Variants in CDH13 observed in about 807,000 individuals in gnomAD.
CDH13 encodes the protein cadherin-13.
In CDH13, 24 loss-of-function variants were observed where a neutral mutation model predicts 63.8. The ratio of observed to expected loss-of-function variants is 0.38; its 90% CI spans 0.27 to 0.53. CDH13 has a LOEUF of 0.53. Among genes scored for constraint, CDH13 ranks in the 20% least tolerant of loss-of-function variants. CDH13 has a pLI of 0.85. For missense variants in CDH13, 1,049 were observed against 903.1 expected, an observed-to-expected ratio of 1.16 and a Z score of -2.07; for synonymous variants, 503 against 355.3, an observed-to-expected ratio of 1.42 and a Z score of -4.67.
chr16:82,695,983 C>T (rs1462039), intron 1 of CDH13, among the ~76,000 whole-genome samples: 5,533 of 152,184 alleles, frequency 0.036, 149 homozygotes, highest in South Asian at 0.11. Context: ...TCAATTTTTC[C>T]ACAACACTAA....
At chr16:83,113,895 C>T (rs1409595768) in intron 3 of CDH13, among the ~76,000 whole-genome samples, 1 of 152,114 alleles carries the variant, frequency 6.6e-6, no homozygotes, top group East Asian at 1.9e-4. Flanking sequence ...ATCTTCCTGG[C>T]CTTAGGAAAC....
chr16:82,800,403 C>A (rs1193302213), intron 1 of CDH13, among the ~76,000 whole-genome samples: 1 of 152,012 alleles, frequency 6.6e-6, no homozygotes, highest in African/African-American at 2.4e-5. Context: ...AGGAAGAGAC[C>A]CCCTAGTGAT....
At chr16:83,655,432 G>T (rs1374205721) in intron 8 of CDH13, among the ~76,000 whole-genome samples, 1 of 152,190 alleles carries the variant, frequency 6.6e-6, no homozygotes, top group East Asian at 1.9e-4. Context: ...ATCCTCTGAG[G>T]TGGGGCACTG....
At chr16:83,751,413 G>A (rs1367336590) in intron 11 of CDH13, among the ~76,000 whole-genome samples, 6 of 150,552 alleles carry the variant, frequency 4.0e-5, no homozygotes, top group African/African-American at 1.2e-4. Context: ...TGGCCAACAT[G>A]GCAAAACCCC....
chr16:83,458,463 A>G (rs8060830), intron 6 of CDH13, among the ~76,000 whole-genome samples: 48,164 of 152,014 alleles, frequency 0.32, 8,300 homozygotes, highest in African/African-American at 0.46. Context: ...ATAACTACAT[A>G]TCTACAGACA....
At chr16:82,871,005 A>G (rs1236168089) in intron 2 of CDH13, among the ~76,000 whole-genome samples, 2 of 152,208 alleles carry the variant, frequency 1.3e-5, no homozygotes, top group Admixed American at 1.3e-4. Context: ...GGAAGTCACT[A>G]TTACTCCTAA....
chr16:83,130,024 C>G (rs1015169660), intron 4 of CDH13, among the ~76,000 whole-genome samples: 1 of 152,152 alleles, frequency 6.6e-6, no homozygotes, highest in East Asian at 1.9e-4. Context: ...TGAAATTCAA[C>G]CTAATTCATA....
chr16:83,230,710 C>G (rs978364420), intron 5 of CDH13, among the ~76,000 whole-genome samples: 4 of 152,092 alleles, frequency 2.6e-5, no homozygotes, highest in African/African-American at 9.7e-5. Context: ...TCGTTTGAAC[C>G]CAGGAGGTGG....
chr16:83,201,976 G>A (rs1425649018), intron 4 of CDH13, among the ~76,000 whole-genome samples: 1 of 152,176 alleles, frequency 6.6e-6, no homozygotes, highest in Non-Finnish European at 1.5e-5. Context: ...GTAGGGTGGT[G>A]TCACCATGTT....
chr16:83,426,526 C>CAG (rs2071901720), intron 6 of CDH13, among the ~76,000 whole-genome samples: 1 of 151,784 alleles, frequency 6.6e-6, no homozygotes, highest in African/African-American at 2.4e-5. Context: ...CACACACACA[C>CAG]ACACACACAC....
intron 3 of CDH13, among the ~76,000 whole-genome samples, chr16:83,066,714 C>T (rs2032037277): frequency 6.6e-6 from 1 of 152,266 alleles, no homozygotes; most frequent in African/African-American, 2.4e-5. Flanking sequence ...CAAATTCTCG[C>T]CCGGTGTGAA....
rs548161939 is a variant in CDH13 at position 82,792,893 on chromosome 16, C to T, written c.46-65469C>T. 9.2e-4 allele frequency among the ~76,000 whole-genome samples: 139 copies of T among 151,576 alleles called. 2 individuals carry two copies. Among genetic ancestry groups the T allele is most frequent in the Non-Finnish European group, 1.8e-3 (122 of 67,912 alleles). ...TTTGTAAGAAAGTCCACATGAAATG[C>T]CTGGCACTCTCCCAAAGGCACCCAT... is the stretch of plus-strand genomic sequence containing the variant. On this transcript the variant is annotated intron_variant, in intron 1 of 13. Transcript: ENST00000567109.
intron 1 of CDH13, among the ~76,000 whole-genome samples, chr16:82,638,623 T>C (rs970217746): frequency 6.6e-6 from 1 of 152,134 alleles, no homozygotes; most frequent in African/African-American, 2.4e-5. Context: ...GAAATGACTG[T>C]GCATGTCATA....
intron 2 of CDH13, among the ~76,000 whole-genome samples, chr16:82,984,751 C>T (rs539027367): frequency 1.3e-5 from 2 of 152,118 alleles, no homozygotes; most frequent in Non-Finnish European, 2.9e-5. Context: ...TAAACCTAGG[C>T]AATTCAGTCA....
chr16:83,240,112 C>G (rs1904310273), intron 5 of CDH13, among the ~76,000 whole-genome samples: 1 of 152,108 alleles, frequency 6.6e-6, no homozygotes, highest in Non-Finnish European at 1.5e-5. Context: ...AAGCTCAAGG[C>G]AAATCCTATG....
chr16:83,287,657 T>G (rs1319373039), intron 5 of CDH13, among the ~76,000 whole-genome samples: 1 of 152,154 alleles, frequency 6.6e-6, no homozygotes, highest in Non-Finnish European at 1.5e-5. Context: ...GATTCTACAT[T>G]ATGATGACTT....
chr16:82,812,774 C>G (rs1447143346), intron 1 of CDH13, among the ~76,000 whole-genome samples: 1 of 150,728 alleles, frequency 6.6e-6, no homozygotes, highest in African/African-American at 2.4e-5. Context: ...TTTTTTTTTT[C>G]TTTCTTTTTT....
chr16:83,075,850 G>A (rs1196819331), intron 3 of CDH13, among the ~76,000 whole-genome samples: 3 of 152,164 alleles, frequency 2.0e-5, no homozygotes, highest in Non-Finnish European at 4.4e-5. Context: ...AGTCAAATCA[G>A]TTAAAGCTCT....
intron 7 of CDH13, among the ~76,000 whole-genome samples, chr16:83,570,655 A>T (rs116039309): frequency 0.083 from 12,361 of 149,610 alleles, 743 homozygotes; most frequent in South Asian, 0.15. Context: ...ATTCCCAGAG[A>T]TTCTTTCTCA....
Sources: gnomAD v4.1 joint callset for allele counts (sites outside exome capture counted in the v4.1 genomes callset) on GRCh38, gnomAD v4.1.1 for gene constraint, MANE v1.5 for transcripts, NCBI Gene and HGNC (gene_info 2026-07-23, HGNC 2026-07-21) for gene names.